CXADR: variants seen among roughly 807,000 people sequenced by gnomAD.
CXADR encodes CXADR cell adhesion molecule, also known as coxsackievirus and adenovirus receptor.
CXADR carries 20 observed loss-of-function variants against 40.3 expected under a neutral mutation model. That is an observed-to-expected ratio of 0.50 (90% confidence interval 0.35 to 0.72). The LOEUF (loss-of-function observed/expected upper bound fraction) is 0.72, where lower values mean the gene tolerates loss of function less well. Ranked by LOEUF, CXADR falls within the 30% of genes least tolerant of loss-of-function variation. The probability of loss-of-function intolerance (pLI) is 0.01; values close to 1 mark genes in which losing one functional copy is unlikely to be tolerated. For synonymous variants in CXADR, 150 were observed against 161.3 expected, an observed-to-expected ratio of 0.93 and a Z score of 0.53; for missense variants, 332 against 449.1, an observed-to-expected ratio of 0.74 and a Z score of 2.36.
chr21:17,606,093 TAATATTAACA>T, the CXADR span, among the ~76,000 whole-genome samples: 93 of 152,186 alleles, frequency 6.1e-4, 1 homozygote, highest in Admixed American at 1.2e-3. Flanking sequence ...TTCTACATAA[TAATATTAACA>T]ATAATAAGCA....
At chr21:17,514,705 C>G (rs1243519291) in intron 1 of CXADR, among the ~76,000 whole-genome samples, 2 of 151,226 alleles carry the variant, frequency 1.3e-5, no homozygotes, top group African/African-American at 4.9e-5. Flanking sequence ...GTGATCTTGG[C>G]TCACCACAAC....
chr21:17,593,827 G>T, downstream of CXADR: 1 of 405,406 alleles, frequency 2.5e-6, no homozygotes, highest in Admixed American at 4.3e-5. Flanking sequence ...ATCCAACAGA[G>T]TTGATGCACA....
chr21:17,513,223 G>A, intron 1 of CXADR, 51 bp downstream of exon 1: 2 of 1,338,882 alleles, frequency 1.5e-6, no homozygotes, highest in Non-Finnish European at 1.9e-6. Flanking sequence ...GGGGGCGCTC[G>A]CTGCCCGCGG....
At chr21:17,530,114 A>ATTTTTTTTTTTTTTTTTTTTTTT (rs56341807) in intron 1 of CXADR, among the ~76,000 whole-genome samples, 5 of 94,978 alleles carry the variant, frequency 5.3e-5, no homozygotes, top group Non-Finnish European at 5.8e-5. Flanking sequence ...ATGCCAGGCT[A>ATTTTTTTTTTTTTTTTTTTTTTT]TTTTTTTTTT....
chr21:17,634,574 C>T, the CXADR span, among the ~76,000 whole-genome samples: 1 of 152,002 alleles, frequency 6.6e-6, no homozygotes, highest in Non-Finnish European at 1.5e-5. Flanking sequence ...ATGTATTCTC[C>T]AATACTCTAG....
At chr21:17,626,968 C>T in the CXADR span, 6 of 152,162 alleles carry the variant, frequency 3.9e-5, no homozygotes, top group African/African-American at 1.4e-4. Context: ...TTGAAAGAGA[C>T]AAGAAGGAAA....
At chr21:17,526,750 T>A (rs1466501739) in intron 1 of CXADR, among the ~76,000 whole-genome samples, 2 of 152,244 alleles carry the variant, frequency 1.3e-5, no homozygotes, top group Non-Finnish European at 2.9e-5. Flanking sequence ...ATTTTGCTAA[T>A]AACATCTGTG....
At chr21:17,527,759 A>G (rs2123147731) in intron 1 of CXADR, among the ~76,000 whole-genome samples, 2 of 152,046 alleles carry the variant, frequency 1.3e-5, no homozygotes, top group East Asian at 1.9e-4. Flanking sequence ...CCCTTTGCTT[A>G]TATCTAACTT....
chr21:17,605,061 T>G, the CXADR span: 2 of 1,542,974 alleles, frequency 1.3e-6, no homozygotes, highest in Non-Finnish European at 1.8e-6. Flanking sequence ...CCGTAATATC[T>G]ATTCATACTT....
At chr21:17,523,653 G>C (rs1460764800) in intron 1 of CXADR, among the ~76,000 whole-genome samples, 1 of 152,066 alleles carries the variant, frequency 6.6e-6, no homozygotes, top group Non-Finnish European at 1.5e-5. Context: ...AGTAGTTGAT[G>C]TGAAGATAAT....
the CXADR span, among the ~76,000 whole-genome samples, chr21:17,606,705 C>T: frequency 6.6e-6 from 1 of 151,946 alleles, no homozygotes. Context: ...CTACATACTA[C>T]TTATCCATTA....
chr21:17,565,244 A>G (rs1199969390), intron 6 of CXADR, among the ~76,000 whole-genome samples, 184 bp from the exon 7 acceptor site: 3 of 152,084 alleles, frequency 2.0e-5, no homozygotes, highest in Non-Finnish European at 2.9e-5. Context: ...GACATACACA[A>G]TTTATGACGT....
At chr21:17,590,959 TTGTAACAAG>T (rs2061430702) in intron 7 of CXADR, among the ~76,000 whole-genome samples, 1 of 152,052 alleles carries the variant, frequency 6.6e-6, no homozygotes, top group Non-Finnish European at 1.5e-5. Flanking sequence ...TCTGAGTAGT[TTGTAACAAG>T]AAACTTGGCC....
the CXADR span, among the ~76,000 whole-genome samples, chr21:17,630,005 TC>T: frequency 3.9e-5 from 6 of 152,252 alleles, no homozygotes; most frequent in African/African-American, 1.2e-4. Flanking sequence ...CCAGGATGTC[TC>T]CAAACTGCCC....
chr21:17,593,560 G>C (rs1414978545), exon 8 of CXADR: 1 of 168,630 alleles, frequency 5.9e-6, no homozygotes, highest in Non-Finnish European at 1.3e-5. Flanking sequence ...AAATTCTTAC[G>C]TTCTGTTTAA....
Position 17,565,577 on chromosome 21 carries a change from G to A in CXADR, c.983G>A (p.Arg328His), listed in dbSNP as rs143764073. 2,056 of 1,613,452 alleles carry A rather than the reference G, an allele frequency of 1.3e-3. 2 individuals are homozygous for A. Among genetic ancestry groups the A allele is most frequent in the Middle Eastern group, 2.8e-3 (16 of 5,796 alleles). The change falls in exon 7 of 7, where the codon CGC becomes CAC. Residue 328 changes from arginine to histidine, a missense_variant. Around this residue, in one of 3 missense-constraint regions of CXADR, gnomAD observed 150 missense variants for 194.2 expected, o/e 0.77. Transcript: ENST00000284878. ...YNQVPSEDFE[R>H]TPQSPTLPPA... ...CAAGTACCAAGTGAAGACTTTGAAC[G>A]CACTCCTCAGAGTCCGACTCTCCCA...
At position 17,581,665 on chromosome 21, in the gene CXADR, T is replaced by C. The variant is rs991113284; in HGVS notation, c.1018-11487T>C. ...TCAAGACCAGCCAGGGCCAACATAGTTGAGACCCTATCTCCACAAAAAATA... is the reference window on the plus strand; with the variant it reads ...TCAAGACCAGCCAGGGCCAACATAGCTGAGACCCTATCTCCACAAAAAATA... On this transcript the variant is annotated intron_variant, in intron 7 of 7. Coordinates refer to the CXADR transcript ENST00000400169. Among the ~76,000 whole-genome samples the C allele has an allele frequency of 2.6e-5, 4 of 151,850 alleles. No homozygotes were observed. The East Asian group carries it at 7.8e-4, about 30-fold the overall frequency.
At chr21:17,589,723 T>C (rs188778898) in intron 7 of CXADR, among the ~76,000 whole-genome samples, 30 of 152,218 alleles carry the variant, frequency 2.0e-4, no homozygotes, top group Admixed American at 1.8e-3. Flanking sequence ...CCCAAAACAA[T>C]TTTGCAGTGA....
the CXADR span, among the ~76,000 whole-genome samples, chr21:17,608,475 C>G: frequency 6.6e-6 from 1 of 151,788 alleles, no homozygotes; most frequent in Non-Finnish European, 1.5e-5. Flanking sequence ...ACACTGACTT[C>G]TACCACAAAT....
Sources: gnomAD v4.1 joint callset for allele counts (sites outside exome capture counted in the v4.1 genomes callset) on GRCh38, gnomAD v4.1.1 for gene constraint, gnomAD v4.1.1 regional missense constraint, MANE v1.5 for transcripts, NCBI Gene and HGNC (gene_info 2026-07-23, HGNC 2026-07-21) for gene names.